The following TRPM1 variants were observed in gnomAD, a reference collection of about 807,000 sequenced individuals.
The protein encoded by TRPM1 is transient receptor potential cation channel subfamily M member 1, also known as TRPM1-203 APA Isoform, Intron 10.
A neutral mutation model predicts 149.4 loss-of-function variants in TRPM1; 113 were observed. The observed-to-expected ratio is 0.76, with a 90% CI of 0.65 to 0.88. TRPM1 has a LOEUF of 0.88. Among genes scored for constraint, TRPM1 ranks in the 40% least tolerant of loss-of-function variants. TRPM1 has a pLI of 0.00. For synonymous variants in TRPM1, 741 were observed against 759.5 expected, an observed-to-expected ratio of 0.98 and a Z score of 0.40; for missense variants, 1,976 against 2,038.7, an observed-to-expected ratio of 0.97 and a Z score of 0.59.
rs766950593 is a variant in TRPM1 at position 31,002,122 on chromosome 15, A to G, written c.4578T>C (p.Asp1526=). Residue 1526 remains aspartate, a synonymous_variant, in exon 28 of 28, where the codon GAT becomes GAC. Coordinates refer to ENST00000256552, the MANE Select transcript of TRPM1 (RefSeq NM_001252024.2). ...CAGCGACATGGTGTTCATCTTGCAT[A>G]TCTGCAAACTGCTCTTTATGCTCAG... The part of the protein sequence containing the change: ...VQAEHKEQFA[D]MQDEHHVAEA... 7 of 1,614,118 alleles carry G rather than the reference A, an allele frequency of 4.3e-6. No homozygotes were observed. The highest frequency in any genetic ancestry group is 5.9e-6 in the Non-Finnish European group (7 of 1,180,042).
upstream of TRPM1, among the ~76,000 whole-genome samples, chr15:31,106,081 G>A (rs1329559762): frequency 6.6e-6 from 1 of 151,992 alleles, no homozygotes; most frequent in Non-Finnish European, 1.5e-5. Flanking sequence ...GAGTAGTCTG[G>A]CTGTGGCATC....
chr15:31,059,993 C>A (rs566659287), intron 11 of TRPM1, among the ~76,000 whole-genome samples: 4 of 151,892 alleles, frequency 2.6e-5, no homozygotes, highest in African/African-American at 9.7e-5. Context: ...ACACACAATA[C>A]CCTCCCAATG....
At chr15:31,027,831 C>A (rs2032855574) in intron 25 of TRPM1, among the ~76,000 whole-genome samples, 1 of 152,206 alleles carries the variant, frequency 6.6e-6, no homozygotes, top group Non-Finnish European at 1.5e-5. Context: ...ACATACTCAA[C>A]ACAACATGCC....
rs138133192 is a variant in TRPM1, at chr15:31,069,945, C to G, written c.279+86G>C. On this transcript the variant is annotated intron_variant, in intron 4 of 27. Coordinates refer to ENST00000256552, the MANE Select transcript of TRPM1 (RefSeq NM_001252024.2). ...GATTGAGCCACAGCCATGAAGAAGA[C>G]CAGGTATCTGCAGTTTGGGGCTGGG... 18,845 of 1,612,870 alleles carry G rather than the reference C, an allele frequency of 0.012. 141 individuals carry two copies. Among genetic ancestry groups the G allele is most frequent in the Non-Finnish European group, 0.014 (16,715 of 1,179,910 alleles).
intron 11 of TRPM1, among the ~76,000 whole-genome samples, chr15:31,051,406 A>C (rs1203963943): frequency 6.6e-6 from 1 of 152,054 alleles, no homozygotes; most frequent in Non-Finnish European, 1.5e-5. Context: ...TCCTGCACGC[A>C]CCCTGCTGCT....
chr15:31,089,380 A>G (rs988997855), intron 1 of TRPM1, among the ~76,000 whole-genome samples: 1 of 152,158 alleles, frequency 6.6e-6, no homozygotes, highest in Non-Finnish European at 1.5e-5. Context: ...AGTATCTATG[A>G]AGTATACGTT....
chr15:31,072,014 T>TAGAGAGAGAG (rs1320448721), intron 3 of TRPM1, among the ~76,000 whole-genome samples: 9 of 28,280 alleles, frequency 3.2e-4, no homozygotes, highest in African/African-American at 9.0e-4. Context: ...TATATATATA[T>TAGAGAGAGAG]ATATAGAGAG....
Position 31,001,752 on chromosome 15 carries a change from T to C in TRPM1, c.*70A>G. 1 of 1,524,764 alleles carries C rather than the reference T, an allele frequency of 6.6e-7. No homozygotes were observed. The highest frequency in any genetic ancestry group is 8.8e-7 in the Non-Finnish European group (1 of 1,133,450). The allele number at this position is 1,524,764 out of a possible 1,614,324, so 94.5% of individuals were successfully genotyped here. On this transcript the variant is annotated 3_prime_UTR_variant, in exon 28 of 28. Transcript: ENST00000256552. ...AAATGTTTTTAGAAATTGATGATGT[T>C]TAGATGGCCAAGATGACACCCATTA...
chr15:31,014,122 T>C (rs1434374361), intron 27 of TRPM1, among the ~76,000 whole-genome samples: 1 of 152,202 alleles, frequency 6.6e-6, no homozygotes, highest in African/African-American at 2.4e-5. Flanking sequence ...TTCCCAGGAA[T>C]GTGTTAGAGC....
At chr15:31,012,267 AAAAACTATC>A (rs2032213545) in intron 27 of TRPM1, among the ~76,000 whole-genome samples, 1 of 152,186 alleles carries the variant, frequency 6.6e-6, no homozygotes, top group Non-Finnish European at 1.5e-5. Context: ...TTTCTGCCTG[AAAAACTATC>A]TTTAGTATCC....
intron 27 of TRPM1, among the ~76,000 whole-genome samples, chr15:31,005,203 A>G (rs964649750): frequency 6.6e-6 from 1 of 152,118 alleles, no homozygotes; most frequent in Non-Finnish European, 1.5e-5. Flanking sequence ...AAAACCCCAC[A>G]TTGCCCTAGT....
At chr15:31,034,575 C>T (rs2033257431) in intron 21 of TRPM1, among the ~76,000 whole-genome samples, 3 of 152,218 alleles carry the variant, frequency 2.0e-5, no homozygotes, top group African/African-American at 7.2e-5. Context: ...CAGGATTAGG[C>T]CAAGGACAGG....
intron 27 of TRPM1, among the ~76,000 whole-genome samples, chr15:31,008,825 A>G (rs2032084524): frequency 6.6e-6 from 1 of 152,206 alleles, no homozygotes; most frequent in Non-Finnish European, 1.5e-5. Flanking sequence ...CATTACTACC[A>G]TACAGGTCCC....
chr15:31,153,632 G>A (rs1419601545), intron 1 of TRPM1, among the ~76,000 whole-genome samples: 1 of 152,192 alleles, frequency 6.6e-6, no homozygotes, highest in East Asian at 1.9e-4. Context: ...CCAGATTCCA[G>A]GTCTTTAGAT....
intron 1 of TRPM1, among the ~76,000 whole-genome samples, chr15:31,128,943 T>A (rs2035984902): frequency 1.3e-5 from 2 of 152,248 alleles, no homozygotes; most frequent in South Asian, 4.1e-4. Context: ...GGTGGCTGCA[T>A]CACTGCACTG....
intron 1 of TRPM1, among the ~76,000 whole-genome samples, chr15:31,081,960 T>C (rs2034870252): frequency 1.3e-5 from 2 of 152,224 alleles, no homozygotes; most frequent in South Asian, 2.1e-4. Flanking sequence ...TGGAGGCCCC[T>C]CAGTCAAACT....
chr15:31,025,858 G>A (rs1001581424), intron 27 of TRPM1, among the ~76,000 whole-genome samples: 10 of 152,184 alleles, frequency 6.6e-5, no homozygotes, highest in Admixed American at 1.3e-4. Flanking sequence ...TTAACCTTGC[G>A]GAAACACCCC....
chr15:31,127,493 G>T (rs1177217690), intron 1 of TRPM1, among the ~76,000 whole-genome samples: 1 of 152,222 alleles, frequency 6.6e-6, no homozygotes, highest in Admixed American at 6.5e-5. Flanking sequence ...GAAAAATGTG[G>T]TGAAAGTGGG....
At chr15:31,100,329 C>G (rs1166952221) in intron 1 of TRPM1, among the ~76,000 whole-genome samples, 2 of 152,110 alleles carry the variant, frequency 1.3e-5, no homozygotes, top group African/African-American at 4.8e-5. Context: ...CCTGCCTCAG[C>G]CTCCCGAAGT....
Sources: gnomAD v4.1 joint callset for allele counts (sites outside exome capture counted in the v4.1 genomes callset) on GRCh38, gnomAD v4.1.1 for gene constraint, MANE v1.5 for transcripts, NCBI Gene and HGNC (gene_info 2026-07-23, HGNC 2026-07-21) for gene names.